The following DOCK1 variants were observed in gnomAD, a reference collection of about 807,000 sequenced individuals.
DOCK1 encodes the protein dedicator of cytokinesis protein 1.
A neutral mutation model predicts 262.7 loss-of-function variants in DOCK1; 138 were observed. The ratio of observed to expected loss-of-function variants is 0.53; its 90% CI spans 0.46 to 0.61. DOCK1 has a LOEUF of 0.61. Among genes scored for constraint, DOCK1 ranks in the 20% least tolerant of loss-of-function variants. The pLI is 0.00. For missense variants in DOCK1, 1,908 were observed against 2,370.7 expected (o/e 0.80, Z 4.05); for synonymous variants, 866 against 867.4 (o/e 1.00, Z 0.03).
At chr10:127,428,936 T>G (rs1418749581) in intron 47 of DOCK1, among the ~76,000 whole-genome samples, 7 of 141,810 alleles carry the variant, frequency 4.9e-5, no homozygotes, top group Non-Finnish European at 7.6e-5. Flanking sequence ...GTGTGGATTG[T>G]GCCGTGTGGA....
chr10:127,306,527 ACG>A (rs1183945320), intron 29 of DOCK1, among the ~76,000 whole-genome samples: 4 of 151,896 alleles, frequency 2.6e-5, no homozygotes, highest in Non-Finnish European at 5.9e-5. Flanking sequence ...TCAGCATCAT[ACG>A]TTACAAGCAC....
intron 6 of DOCK1, among the ~76,000 whole-genome samples, chr10:126,993,983 A>C (rs750672069): frequency 6.6e-6 from 1 of 152,206 alleles, no homozygotes; most frequent in East Asian, 1.9e-4. Flanking sequence ...GTAACTATAA[A>C]GATGTTCTCT....
chr10:127,365,356 T>G (rs1297520476), intron 33 of DOCK1, among the ~76,000 whole-genome samples: 3 of 152,250 alleles, frequency 2.0e-5, no homozygotes, highest in Non-Finnish European at 4.4e-5. Context: ...GTTAATACGA[T>G]AAGATTTGCC....
intron 30 of DOCK1, among the ~76,000 whole-genome samples, chr10:127,343,309 A>G (rs2063506188): frequency 6.6e-6 from 1 of 152,206 alleles, no homozygotes; most frequent in Admixed American, 6.5e-5. Flanking sequence ...AATTCTGTGC[A>G]TATATTTACT....
At chr10:126,910,448 G>A (rs955618911) in intron 1 of DOCK1, among the ~76,000 whole-genome samples, 3 of 152,220 alleles carry the variant, frequency 2.0e-5, no homozygotes, top group Non-Finnish European at 4.4e-5. Context: ...GCGCACACTT[G>A]TACGCTGTTC....
intron 27 of DOCK1, among the ~76,000 whole-genome samples, chr10:127,231,470 A>G (rs1427952351): frequency 6.6e-6 from 1 of 151,604 alleles, no homozygotes; most frequent in Non-Finnish European, 1.5e-5. Context: ...CCCAGGTTGG[A>G]GTGCAGTGGC....
intron 33 of DOCK1, among the ~76,000 whole-genome samples, chr10:127,367,595 C>A (rs1248946897): frequency 3.3e-5 from 5 of 152,172 alleles, no homozygotes; most frequent in African/African-American, 1.2e-4. Flanking sequence ...TCGTGTTCTG[C>A]AGGAGCTGGG....
At chr10:127,433,610 G>A (rs759630545) in intron 48 of DOCK1, among the ~76,000 whole-genome samples, 182 bp downstream of exon 48, 20 of 151,948 alleles carry the variant, frequency 1.3e-4, no homozygotes, top group East Asian at 3.9e-4. Flanking sequence ...CTTTGAGGTC[G>A]TGTGAGTTGT....
intron 11 of DOCK1, among the ~76,000 whole-genome samples, chr10:127,011,952 C>T (rs2135305009): frequency 6.6e-6 from 1 of 152,206 alleles, no homozygotes; most frequent in Non-Finnish European, 1.5e-5. Context: ...TTTTTAAACA[C>T]AAGAGTCTGA....
At chr10:127,150,426 C>G (rs1267189813) in intron 27 of DOCK1, among the ~76,000 whole-genome samples, 1 of 152,174 alleles carries the variant, frequency 6.6e-6, no homozygotes, top group Non-Finnish European at 1.5e-5. Context: ...TCACACAGAC[C>G]AGTGCTTGGT....
chr10:127,196,053 C>T (rs2057113961), intron 27 of DOCK1: 1 of 152,108 alleles, frequency 6.6e-6, no homozygotes, highest in African/African-American at 2.4e-5. Flanking sequence ...GGGCATGTCT[C>T]GCTGCGGACC....
intron 1 of DOCK1, among the ~76,000 whole-genome samples, chr10:126,946,602 A>G (rs1362216294): frequency 6.6e-6 from 1 of 152,034 alleles, no homozygotes; most frequent in African/African-American, 2.4e-5. Context: ...TTAACTTCTA[A>G]TCTATTATAT....
Position 127,069,584 on chromosome 10 carries a change from G to T in DOCK1, c.2445+7808G>T, listed in dbSNP as rs530915062. ...TGAGGATGTCATGGGCATGAGTCAG[G>T]AATCTATTTGAGAGTCTCTCATCAT... On this transcript the variant is annotated intron_variant, in intron 23 of 51. Transcript: ENST00000623213. Among the ~76,000 whole-genome samples, 14 of 152,326 alleles carry T rather than the reference G, an allele frequency of 9.2e-5. 1 individual carries two copies. In the South Asian group the frequency reaches 2.9e-3, roughly 32 times the overall value.
chr10:127,283,609 A>T (rs573065175), intron 29 of DOCK1, among the ~76,000 whole-genome samples: 2 of 152,202 alleles, frequency 1.3e-5, no homozygotes, highest in Admixed American at 1.3e-4. Flanking sequence ...TTACATGCAT[A>T]CTTTATTCTT....
At chr10:127,205,881 A>C (rs1206420158) in intron 27 of DOCK1, among the ~76,000 whole-genome samples, 1 of 152,220 alleles carries the variant, frequency 6.6e-6, no homozygotes, top group Non-Finnish European at 1.5e-5. Context: ...CTCTGTTTGA[A>C]TACAGAGTAG....
chr10:127,240,935 G>A (rs1348932047), intron 27 of DOCK1, among the ~76,000 whole-genome samples: 1 of 152,146 alleles, frequency 6.6e-6, no homozygotes, highest in Non-Finnish European at 1.5e-5. Flanking sequence ...AGGGCAAATC[G>A]TTTGACTTGT....
At position 127,104,919 on chromosome 10, in the gene DOCK1, A is replaced by G. The variant is rs1013361991; in HGVS notation, c.2446-1312A>G. ...GTTTTTTCCTCCTTCCTACTCAGCT[A>G]CCTTCTAATAGGAGGTGATATGGTT... On this transcript the variant is annotated intron_variant, in intron 23 of 51. Coordinates refer to ENST00000623213, the MANE Select transcript of DOCK1 (RefSeq NM_001290223.2). 3.3e-5 allele frequency among the ~76,000 whole-genome samples: 5 copies of G among 152,246 alleles called. No homozygotes were observed. In the East Asian group the frequency reaches 5.8e-4, roughly 18 times the overall value.
chr10:127,434,006 C>G (rs146376466), intron 48 of DOCK1, among the ~76,000 whole-genome samples: 46 of 152,146 alleles, frequency 3.0e-4, no homozygotes, highest in African/African-American at 1.1e-3. Flanking sequence ...TACTTTTCAT[C>G]TCCTGTTCAC....
chr10:126,945,089 G>C (rs2035292483), intron 1 of DOCK1, among the ~76,000 whole-genome samples: 1 of 152,066 alleles, frequency 6.6e-6, no homozygotes, highest in Non-Finnish European at 1.5e-5. Flanking sequence ...CGCCTGCCTC[G>C]GCCTCCCAAA....
Sources: allele counts gnomAD v4.1 joint callset (sites outside exome capture counted in the v4.1 genomes callset), GRCh38; gene constraint gnomAD v4.1.1; transcripts MANE v1.5; gene names NCBI Gene and HGNC (gene_info 2026-07-23, HGNC 2026-07-21).